The following POLE variants were observed in gnomAD, a reference collection of about 807,000 sequenced individuals.
The protein encoded by POLE is DNA polymerase epsilon catalytic subunit A.
POLE carries 188 observed loss-of-function variants against 279.2 expected under a neutral mutation model. That is an observed-to-expected ratio of 0.67 (90% CI 0.60 to 0.76). The LOEUF is 0.76. Among genes scored for constraint, POLE ranks in the 30% least tolerant of loss-of-function variants. The pLI is 0.00. For synonymous variants in POLE, 1,214 were observed against 1,172.5 expected (o/e 1.04, Z -0.72); for missense variants, 2,703 against 3,016.7 (o/e 0.90, Z 2.44).
rs1593721396 is a variant in POLE, at chr12:132,639,061, T to C, written c.5552+64A>G. 2.8e-6 allele frequency: 4 copies of C among 1,426,148 alleles called. No homozygotes were observed. The East Asian group carries it at 6.8e-5, about 24-fold the overall frequency. The allele number at this position is 1,426,148 out of a possible 1,614,324, so 88.3% of individuals were successfully genotyped here. On this transcript the variant is annotated intron_variant, in intron 40 of 48. Transcript: ENST00000320574. The surrounding 1 kb of genome is among the most constrained non-coding windows in gnomAD (Gnocchi z 4.7). ...CACTGGCTGGCCATGTCTCTGGTTC[T>C]GGGGAGTAAGGGACCAGCCCAGCTG...
Position 132,643,983 on chromosome 12 carries a change from G to A in POLE, c.4150-6C>T, listed in dbSNP as rs756837862. 1.3e-4 allele frequency: 208 copies of A among 1,611,722 alleles called. No individual in the cohort carries two copies. Among genetic ancestry groups the A allele is most frequent in the Non-Finnish European group, 1.7e-4 (203 of 1,178,142 alleles). On this transcript the variant is annotated splice_region_variant and splice_polypyrimidine_tract_variant and intron_variant, in intron 32 of 48. Transcript: ENST00000320574. ...CGAGGAAGGACCCGATTTACCTGGCGAGAATACGACGATGATCTCGTCACT... is the reference window on the plus strand; with the variant it reads ...CGAGGAAGGACCCGATTTACCTGGCAAGAATACGACGATGATCTCGTCACT...
Position 132,657,191 on chromosome 12 carries a change from T to A in POLE, c.3527A>T (p.Asp1176Val), listed in dbSNP as rs1060500785. 1 of 1,613,854 alleles carries A rather than the reference T, an allele frequency of 6.2e-7. No homozygotes were observed. The highest frequency in any genetic ancestry group is 1.3e-5 in the African/African-American group (1 of 74,840). ...ACTGATCTTCTTCTGCTTGTAGACA[T>A]CATTCTTCTCCAGCAGTTTTTTGTG... ...WLHKKLLEKN[D>V]VYKQKKISEL... The change falls in exon 29 of 49, where the codon GAT (aspartate) becomes GTT (valine). Residue 1176 changes from aspartate to valine, a missense_variant. This residue lies in a region of POLE where 1,551 missense variants were observed against 1,686.1 expected (regional missense o/e 0.92). Coordinates refer to ENST00000320574, the MANE Select transcript of POLE (RefSeq NM_006231.4).
At position 132,669,464 on chromosome 12, in the gene POLE, A is replaced by G. The variant is rs1593794361; in HGVS notation, c.1795-525T>C. Among the ~76,000 whole-genome samples, 3 of 151,990 alleles carry G rather than the reference A, an allele frequency of 2.0e-5. 1 individual carries two copies. In the South Asian group the frequency reaches 6.3e-4, roughly 32 times the overall value. Reference sequence around the variant, plus strand: ...GGGCAACAGAGCCAGATCCTGTTTCAGAAAAAAAAAAAGAAAAAGAAAAAT... The same window carrying G: ...GGGCAACAGAGCCAGATCCTGTTTCGGAAAAAAAAAAAGAAAAAGAAAAAT... On this transcript the variant is annotated intron_variant, in intron 16 of 48. Coordinates refer to ENST00000320574, the MANE Select transcript of POLE (RefSeq NM_006231.4).
intron 29 of POLE, chr12:132,650,149 C>A (rs922718984): frequency 2.1e-6 from 1 of 477,948 alleles, no homozygotes; most frequent in Non-Finnish European, 3.8e-6. Context: ...TTGGAGGCTG[C>A]GGCGAACTAT....
In POLE at chr12:132,679,737, A is replaced by G. The variant is rs866201066; in HGVS notation, c.424-86T>C. On this transcript the variant is annotated intron_variant, in intron 5 of 48. Coordinates refer to ENST00000320574, the MANE Select transcript of POLE (RefSeq NM_006231.4). ...GGTAAACACTCAAAGGTAAACACAC[A>G]AGTCAAAGAGTTGGCGACTTCAAGG... The G allele has an allele frequency of 5.4e-6, 8 of 1,481,282 alleles. No homozygotes were observed. The Middle Eastern group carries it at 1.2e-3, about 229-fold the overall frequency. 91.8% of individuals were successfully genotyped at this position (1,481,282 alleles called of 1,614,324 possible). A position where few individuals can be genotyped will look rare whatever the true frequency, so the allele number is the denominator to read the frequency against.
At position 132,639,595 on chromosome 12, in the gene POLE, A is replaced by C. The variant is rs554810913; in HGVS notation, c.5379-297T>G. Reference sequence around the variant, plus strand: ...GAGGGCAGCACAGTACAAAGCAGCAAGTGTGTGACGGGCCGGGGACCCTGA... The same window carrying C: ...GAGGGCAGCACAGTACAAAGCAGCACGTGTGTGACGGGCCGGGGACCCTGA... On this transcript the variant is annotated intron_variant, in intron 39 of 48. Transcript: ENST00000320574. The surrounding 1 kb of genome is among the most constrained non-coding windows in gnomAD (Gnocchi z 4.7). Among the ~76,000 whole-genome samples the C allele has an allele frequency of 8.2e-4, 125 of 152,302 alleles. No homozygotes were observed. Among genetic ancestry groups the C allele is most frequent in the African/African-American group, 3.0e-3 (124 of 41,554 alleles).
intron 39 of POLE, chr12:132,641,044 C>G (rs2042130114): frequency 2.2e-6 from 1 of 456,624 alleles, no homozygotes; most frequent in Non-Finnish European, 4.4e-6. Context: ...GGTATGACCA[C>G]AAAGGCAGCC....
chr12:132,633,675 A>G (rs1248026552), intron 43 of POLE: 2 of 153,168 alleles, frequency 1.3e-5, no homozygotes, highest in East Asian at 3.9e-4. Context: ...TCCTCGATAC[A>G]CTTCATCTGC....
In POLE at chr12:132,642,385, A is replaced by G. The variant is rs751304582; in HGVS notation, c.4965T>C (p.Ile1655=). 16 of 1,578,076 alleles carry G rather than the reference A, an allele frequency of 1.0e-5. No homozygotes were observed. Among genetic ancestry groups the G allele is most frequent in the Non-Finnish European group, 2.6e-6 (3 of 1,158,584 alleles). ...TGTCCTCTGGTAGGTTCCCAATGGG[A>G]ATGTGAAAGTACCTGCACCAGGGCA... The part of the protein sequence containing the change: ...QAFEMSRYFH[I]PIGNLPEDIS... Residue 1655 remains isoleucine, a synonymous_variant, in exon 38 of 49, where the codon ATT becomes ATC. Transcript: ENST00000320574.
Position 132,659,820 on chromosome 12 carries a change from T to C in POLE, c.3061-311A>G, listed in dbSNP as rs1181928581. 6 of 306,806 alleles carry C rather than the reference T, an allele frequency of 2.0e-5. No homozygotes were observed. The East Asian group carries it at 4.6e-4, about 24-fold the overall frequency. 19.0% of individuals were successfully genotyped at this position (306,806 alleles called of 1,614,324 possible). A position where few individuals can be genotyped will look rare whatever the true frequency, so the allele number is the denominator to read the frequency against. ...GATTCTCGTGCCTCAGCCTCCCAAGTAGCTGAGATTACAGGCACATGCCAT... is the reference window on the plus strand; with the variant it reads ...GATTCTCGTGCCTCAGCCTCCCAAGCAGCTGAGATTACAGGCACATGCCAT... On this transcript the variant is annotated intron_variant, in intron 25 of 48. Coordinates refer to ENST00000320574, the MANE Select transcript of POLE (RefSeq NM_006231.4).
At chr12:132,627,378 A>G (rs1379028648) in intron 45 of POLE, among the ~76,000 whole-genome samples, 1 of 152,114 alleles carries the variant, frequency 6.6e-6, no homozygotes, top group Non-Finnish European at 1.5e-5. Flanking sequence ...GGCTCACTGC[A>G]GCATTGACCT....
chr12:132,635,600 C>A lies in POLE; in HGVS notation c.5811+292G>T, dbSNP rs116397834. Among the ~76,000 whole-genome samples the A allele has an allele frequency of 3.6e-3, 546 of 152,382 alleles. 1 individual carries two copies. The highest frequency in any genetic ancestry group is 0.012 in the African/African-American group (514 of 41,594). On this transcript the variant is annotated intron_variant, in intron 42 of 48. Transcript: ENST00000320574. The stretch of plus-strand genomic sequence containing the variant: ...GTCCATCCGCTGGAGGCGCCTTATG[C>A]TCGCACAACTATGGTGCACTTCATC...
chr12:132,683,881 T>C (rs1376624937), intron 1 of POLE, among the ~76,000 whole-genome samples: 1 of 152,208 alleles, frequency 6.6e-6, no homozygotes. Context: ...AAAATGGGGA[T>C]AAGTGTCACA....
chr12:132,662,531 G>A (rs1023153366), intron 23 of POLE, among the ~76,000 whole-genome samples: 3 of 152,298 alleles, frequency 2.0e-5, no homozygotes, highest in East Asian at 3.9e-4. Flanking sequence ...GTGTGCGTGC[G>A]TTACTAGAGA....
intron 45 of POLE, among the ~76,000 whole-genome samples, chr12:132,627,087 C>A (rs2041854632): frequency 6.6e-6 from 1 of 152,190 alleles, no homozygotes; most frequent in Non-Finnish European, 1.5e-5. Flanking sequence ...TCAAGACCAT[C>A]CTGGCCAACA....
At position 132,626,218 on chromosome 12, in the gene POLE, A is replaced by T; in HGVS notation, c.6430T>A (p.Phe2144Ile). The change falls in exon 46 of 49, where the codon TTC (phenylalanine) becomes ATC (isoleucine). Residue 2144 changes from phenylalanine to isoleucine, a missense_variant. Coordinates refer to ENST00000320574, the MANE Select transcript of POLE (RefSeq NM_006231.4). The stretch of plus-strand genomic sequence containing the variant: ...ACGTAGGAGCGGCAGGGGTCTCGGA[A>T]CTGGGCCTCCTCGGAGAACTCGCCG... ...DVGEFSEEAQ[F>I]RDPCRSYVLP... is the part of the protein sequence containing the mutation. 1 of 1,613,868 alleles carries T rather than the reference A, an allele frequency of 6.2e-7. No individual in the cohort carries two copies. Among genetic ancestry groups the T allele is most frequent in the South Asian group, 1.1e-5 (1 of 91,080 alleles).
rs1447851424 is a variant in POLE at position 132,665,355 on chromosome 12, C to G, written c.2415G>C (p.Gln805His). 1 of 1,614,044 alleles carries G rather than the reference C, an allele frequency of 6.2e-7. No individual in the cohort carries two copies. ...AGTTCAGGATGCACTTGTGGGCCAGCTGCAGCGAGTCATACAGCACCTCCA... is the reference window on the plus strand; with the variant it reads ...AGTTCAGGATGCACTTGTGGGCCAGGTGCAGCGAGTCATACAGCACCTCCA... ...KNMEVLYDSL[Q>H]LAHKCILNSF... is the part of the protein sequence containing the mutation. Residue 805 changes from glutamine to histidine, a missense_variant, in exon 21 of 49, where the codon CAG becomes CAC. Transcript: ENST00000320574.
In POLE at chr12:132,624,333, G is replaced by T. The variant is rs949053225; in HGVS notation, c.*364C>A. ...GGCTTTTCCTCCCTCTGGGAGGCAG[G>T]ACAAAGAACTAGGGGCACCTAGAGG... On this transcript the variant is annotated 3_prime_UTR_variant, in exon 49 of 49. Coordinates refer to ENST00000320574, the MANE Select transcript of POLE (RefSeq NM_006231.4). 1 of 335,198 alleles carries T rather than the reference G, an allele frequency of 3.0e-6. No homozygotes were observed. Among genetic ancestry groups the T allele is most frequent in the Non-Finnish European group, 5.6e-6 (1 of 179,042 alleles). 20.8% of individuals were successfully genotyped at this position (335,198 alleles called of 1,614,324 possible).
chr12:132,643,194 A>G, intron 35 of POLE, 30 bp downstream of exon 35: 2 of 1,602,716 alleles, frequency 1.2e-6, no homozygotes, highest in Non-Finnish European at 1.7e-6. Context: ...GCCCCAGCCA[A>G]TGTGCTGCCA....
Sources: allele counts gnomAD v4.1 joint callset (sites outside exome capture counted in the v4.1 genomes callset), GRCh38; gene constraint gnomAD v4.1.1; regional missense constraint gnomAD v4.1.1; non-coding constraint Gnocchi (gnomAD v3.1); transcripts MANE v1.5; gene names NCBI Gene and HGNC (gene_info 2026-07-23, HGNC 2026-07-21).